The following HIF3A variants were observed in gnomAD, a reference collection of about 807,000 sequenced individuals.
The protein encoded by HIF3A is hypoxia inducible factor 3 subunit alpha, also known as hypoxia-inducible factor 3-alpha.
In HIF3A, 41 loss-of-function variants were observed where a neutral mutation model predicts 67.2. The observed-to-expected ratio is 0.61, with a 90% CI of 0.48 to 0.79. The LOEUF (loss-of-function observed/expected upper bound fraction) is 0.79. HIF3A is among the 30% of genes least tolerant of loss of function. HIF3A has a pLI of 0.00. For missense variants in HIF3A, 855 were observed against 898.0 expected, an observed-to-expected ratio of 0.95 and a Z score of 0.61; for synonymous variants, 356 against 374.8, an observed-to-expected ratio of 0.95 and a Z score of 0.58.
chr19:46,324,737 C>A (rs1478257325), intron 10 of HIF3A, among the ~76,000 whole-genome samples: 6 of 151,320 alleles, frequency 4.0e-5, no homozygotes, highest in Admixed American at 2.0e-4. Flanking sequence ...GCCTGTAATC[C>A]CAGCTACTTG....
intron 5 of HIF3A, 92 bp downstream of exon 5, chr19:46,308,867 C>G (rs1166946267): frequency 2.2e-6 from 2 of 924,258 alleles, no homozygotes; most frequent in Non-Finnish European, 3.3e-6. Flanking sequence ...CAGGCATCTC[C>G]TAGGCTGGGG....
chr19:46,339,521 G>T lies in HIF3A; in HGVS notation c.1913-4G>T. 1 of 1,543,650 alleles carries T rather than the reference G, an allele frequency of 6.5e-7. No homozygotes were observed. The highest frequency in any genetic ancestry group is 8.8e-7 in the Non-Finnish European group (1 of 1,140,342). ...CATTTATCATTTATCTTTCATCTTT[G>T]CAGGCCTGGGCCCCTCACTGCTCTC... On this transcript the variant is annotated splice_region_variant and splice_polypyrimidine_tract_variant and intron_variant, in intron 14 of 14. Transcript: ENST00000377670.
Position 46,342,398 on chromosome 19 carries a change from T to C in HIF3A, c.*2776T>C, listed in dbSNP as rs1343561114. 4 of 142,644 alleles carry C rather than the reference T, an allele frequency of 2.8e-5. No individual in the cohort carries two copies. Among genetic ancestry groups the C allele is most frequent in the Non-Finnish European group, 4.5e-5 (3 of 66,742 alleles). 8.8% of individuals were successfully genotyped at this position (142,644 alleles called of 1,614,324 possible). ...TTTTAGGCTTTTGTTTTTCCTTTTTTTTGTTAAAAAAAAAAAAATAGAGAC... is the reference window on the plus strand; with the variant it reads ...TTTTAGGCTTTTGTTTTTCCTTTTTCTTGTTAAAAAAAAAAAAATAGAGAC... On this transcript the variant is annotated 3_prime_UTR_variant, in exon 15 of 15. Coordinates refer to ENST00000377670, the MANE Select transcript of HIF3A (RefSeq NM_152795.4).
chr19:46,328,435 A>AT (rs1439798372), intron 11 of HIF3A, among the ~76,000 whole-genome samples: 2 of 152,242 alleles, frequency 1.3e-5, no homozygotes, highest in South Asian at 2.1e-4. Flanking sequence ...TAGGAGAAAT[A>AT]TTTTTTTATC....
At chr19:46,329,170 A>G in intron 11 of HIF3A, 37 bp from the exon 12 acceptor site, 7 of 1,553,498 alleles carry the variant, frequency 4.5e-6, no homozygotes, top group South Asian at 2.4e-5. Flanking sequence ...ACCCAAGTCC[A>G]AGGCTCATCC....
intron 14 of HIF3A, chr19:46,338,301 A>C (rs570722556): frequency 2.2e-6 from 1 of 452,764 alleles, no homozygotes; most frequent in East Asian, 7.0e-5. Context: ...TCCTGGGCTC[A>C]AGTGATCCTC....
intron 1 of HIF3A, among the ~76,000 whole-genome samples, chr19:46,298,927 G>A (rs2147098663): frequency 6.6e-6 from 1 of 152,202 alleles, no homozygotes; most frequent in South Asian, 2.1e-4. Context: ...GAATAGAAAA[G>A]CCCAGAAGTA....
At chr19:46,323,750 G>C (rs564915367) in intron 10 of HIF3A, among the ~76,000 whole-genome samples, 2 of 152,262 alleles carry the variant, frequency 1.3e-5, no homozygotes, top group Non-Finnish European at 2.9e-5. Flanking sequence ...CATGGCGGAA[G>C]GTGAAAGATA....
chr19:46,304,241 A>G, intron 2 of HIF3A, 153 bp downstream of exon 2: 1 of 649,638 alleles, frequency 1.5e-6, no homozygotes, highest in Non-Finnish European at 2.6e-6. Context: ...CCCCCCTGGA[A>G]TCGACTTCCC....
At position 46,301,492 on chromosome 19, in the gene HIF3A, C is replaced by T. The variant is rs572397643; in HGVS notation, c.27-2406C>T. Reference sequence around the variant, plus strand: ...GGGGCTTCTTGGGCAAGGACTTCACCTTTCAGAAGCTGTTTCCCCACTGTA... The same window carrying T: ...GGGGCTTCTTGGGCAAGGACTTCACTTTTCAGAAGCTGTTTCCCCACTGTA... On this transcript the variant is annotated intron_variant, in intron 1 of 14. Coordinates refer to ENST00000377670, the MANE Select transcript of HIF3A (RefSeq NM_152795.4). Among the ~76,000 whole-genome samples the T allele has an allele frequency of 2.6e-5, 4 of 152,298 alleles. No homozygotes were observed. In the South Asian group the frequency reaches 8.3e-4, roughly 32 times the overall value.
chr19:46,310,613 C>T (rs1402488650), intron 6 of HIF3A: 1 of 456,074 alleles, frequency 2.2e-6, no homozygotes, highest in African/African-American at 2.0e-5. Flanking sequence ...ATGACTTCAC[C>T]TCTCTGTGCC....
chr19:46,338,103 G>A (rs1971757617), intron 14 of HIF3A: 1 of 432,586 alleles, frequency 2.3e-6, no homozygotes, highest in African/African-American at 2.0e-5. Flanking sequence ...TGGAGTGTCG[G>A]TCCCATAAGG....
chr19:46,325,545 C>G lies in HIF3A; in HGVS notation c.1346C>G (p.Pro449Arg), dbSNP rs371078371. 1 of 1,612,266 alleles carries G rather than the reference C, an allele frequency of 6.2e-7. No individual in the cohort carries two copies. Among genetic ancestry groups the G allele is most frequent in the African/African-American group, 1.3e-5 (1 of 74,858 alleles). ...HPQSPLSADL[P>R]DELPVGTENV... ...TCCATCTCTCCACAGGCTGATCTCC[C>G]AGATGAACTACCTGTGGGCACCGAG... Residue 449 changes from proline to arginine, a missense_variant, in exon 11 of 15, where the codon CCA becomes CGA. By Grantham distance (103) the Pro-to-Arg change is moderately radical (BLOSUM62 -2). Transcript: ENST00000377670.
intron 1 of HIF3A, among the ~76,000 whole-genome samples, chr19:46,300,004 G>A (rs1968189630): frequency 6.6e-6 from 1 of 152,226 alleles, no homozygotes; most frequent in Non-Finnish European, 1.5e-5. Context: ...TCACTGAGAA[G>A]TGGTTGAACA....
Position 46,329,806 on chromosome 19 carries a change from ACTAT to A in HIF3A, c.1712+332_1712+335del, listed in dbSNP as rs1468242102. On this transcript the variant is annotated intron_variant, in intron 12 of 14. Transcript: ENST00000377670. ...GAAGACATTGCCGTGTGTCAGAGAAACTATCTAAGCCGGGTGTGGTGGTGCATGC... is the reference window on the plus strand; with the variant it reads ...GAAGACATTGCCGTGTGTCAGAGAAACTAAGCCGGGTGTGGTGGTGCATGC... Among the ~76,000 whole-genome samples, 9 of 151,986 alleles carry A rather than the reference ACTAT, an allele frequency of 5.9e-5. 1 individual carries two copies. Among genetic ancestry groups the A allele is most frequent in the Admixed American group, 2.0e-4 (3 of 15,238 alleles).
intron 9 of HIF3A, among the ~76,000 whole-genome samples, chr19:46,321,333 C>G (rs1276115444): frequency 6.6e-6 from 1 of 152,176 alleles, no homozygotes; most frequent in Admixed American, 6.5e-5. Context: ...CCTGCAATCC[C>G]AGCACTTTGG....
At chr19:46,299,567 C>T (rs572334870) in intron 1 of HIF3A, among the ~76,000 whole-genome samples, 2 of 152,044 alleles carry the variant, frequency 1.3e-5, no homozygotes, top group South Asian at 4.2e-4. Context: ...AGCAAATTAG[C>T]CAGGCATGGT....
At chr19:46,318,077 C>A (rs953489484) in intron 8 of HIF3A, among the ~76,000 whole-genome samples, 2 of 152,108 alleles carry the variant, frequency 1.3e-5, no homozygotes, top group African/African-American at 4.8e-5. Flanking sequence ...CTCAAGTGAT[C>A]CACCCACCTC....
intron 3 of HIF3A, among the ~76,000 whole-genome samples, chr19:46,307,437 T>C (rs1404231235): frequency 2.0e-5 from 3 of 148,722 alleles, no homozygotes; most frequent in African/African-American, 7.8e-5. Flanking sequence ...CCCCCATTTC[T>C]ACAAAAAAAT....
Sources: allele counts gnomAD v4.1 joint callset (sites outside exome capture counted in the v4.1 genomes callset), GRCh38; gene constraint gnomAD v4.1.1; transcripts MANE v1.5; gene names NCBI Gene and HGNC (gene_info 2026-07-23, HGNC 2026-07-21).